SCAI: variants seen among roughly 807,000 people sequenced by gnomAD.
SCAI encodes the protein protein SCAI.
Under a neutral mutation model 92.2 loss-of-function variants are expected in SCAI, and 24 were observed. That is an observed-to-expected ratio of 0.26 (90% CI 0.19 to 0.37). The LOEUF is 0.37. Among genes scored for constraint, SCAI ranks in the 10% least tolerant of loss-of-function variants. The pLI is 1.00. For synonymous variants in SCAI, 261 were observed against 258.6 expected (o/e 1.01, Z -0.09); for missense variants, 450 against 736.2 (o/e 0.61, Z 4.50).
chr9:125,079,956 T>C (rs1178355846), intron 2 of SCAI, among the ~76,000 whole-genome samples: 2 of 152,236 alleles, frequency 1.3e-5, no homozygotes, highest in African/African-American at 2.4e-5. Flanking sequence ...ATAAACAAGA[T>C]GCCATGTGAA....
chr9:125,106,125 ATATAT>A (rs1834787711), intron 2 of SCAI, among the ~76,000 whole-genome samples: 14 of 82,188 alleles, frequency 1.7e-4, no homozygotes, highest in African/African-American at 8.3e-4. Flanking sequence ...AAAAAAAAAT[ATATAT>A]ATATATATAT....
chr9:124,959,483 T>C lies in SCAI; in HGVS notation c.1675-6530A>G, dbSNP rs765196848. 1.6e-3 allele frequency among the ~76,000 whole-genome samples: 226 copies of C among 141,830 alleles called. 1 individual carries two copies. The highest frequency in any genetic ancestry group is 5.5e-3 in the South Asian group (25 of 4,570). 93.0% of individuals were successfully genotyped at this position (141,830 alleles called of 152,430 possible). A position where few individuals can be genotyped will look rare whatever the true frequency, so the allele number is the denominator to read the frequency against. On this transcript the variant is annotated intron_variant, in intron 17 of 17. Transcript: ENST00000336505. ...AATTTCATATATATATATATATATA[T>C]ACACACACACATATATATACACATA...
chr9:125,077,449 C>T (rs1032470937), intron 2 of SCAI, among the ~76,000 whole-genome samples: 1 of 152,154 alleles, frequency 6.6e-6, no homozygotes, highest in African/African-American at 2.4e-5. Context: ...GTTTTCATTT[C>T]TTCTGGGGGT....
intron 3 of SCAI, among the ~76,000 whole-genome samples, chr9:125,052,255 C>T (rs1052028283): frequency 2.4e-4 from 37 of 152,206 alleles, no homozygotes; most frequent in African/African-American, 7.2e-4. Context: ...AACATTTGTG[C>T]TTCAAAGGAT....
chr9:125,067,597 C>A (rs73666666), intron 2 of SCAI, among the ~76,000 whole-genome samples: 3,299 of 152,272 alleles, frequency 0.022, 123 homozygotes, highest in African/African-American at 0.075. Context: ...ACCAATTCTG[C>A]AACCACTTAA....
At chr9:125,134,763 G>A (rs1835483601) in intron 2 of SCAI, among the ~76,000 whole-genome samples, 1 of 152,118 alleles carries the variant, frequency 6.6e-6, no homozygotes, top group South Asian at 2.1e-4. Flanking sequence ...TGCAACCTCC[G>A]CCTCCCAGTT....
At chr9:125,110,223 T>C (rs1168581637) in intron 2 of SCAI, among the ~76,000 whole-genome samples, 4 of 152,200 alleles carry the variant, frequency 2.6e-5, no homozygotes, top group Non-Finnish European at 5.9e-5. Flanking sequence ...TTTGTCTTCA[T>C]AGAAAAACAC....
chr9:125,073,092 A>ATTT lies in SCAI; in HGVS notation c.99-17088_99-17086dup, dbSNP rs764858681. ...GGATCATATGAGGATTCTATTTTTA[A>ATTT]TTTTTTTTTTTTTTTTTTTTTTTTT... is the stretch of plus-strand genomic sequence containing the variant. On this transcript the variant is annotated intron_variant, in intron 2 of 17. Transcript: ENST00000336505. 8.6e-4 allele frequency among the ~76,000 whole-genome samples: 62 copies of ATTT among 72,484 alleles called. 1 individual carries two copies. The highest frequency in any genetic ancestry group is 1.0e-3 in the Non-Finnish European group (39 of 37,340). 47.6% of individuals were successfully genotyped at this position (72,484 alleles called of 152,430 possible). A position where few individuals can be genotyped will look rare whatever the true frequency, so the allele number is the denominator to read the frequency against.
intron 15 of SCAI, among the ~76,000 whole-genome samples, chr9:124,973,854 T>C (rs1314060535): frequency 6.6e-6 from 1 of 152,126 alleles, no homozygotes; most frequent in Non-Finnish European, 1.5e-5. Context: ...TAAATTTCTC[T>C]ACATGCTCCC....
At position 124,944,666 on chromosome 9, in the gene SCAI, G is replaced by A. The variant is rs2131558321; in HGVS notation, c.*8141C>T. 1.3e-5 allele frequency: 2 copies of A among 151,926 alleles called. No individual in the cohort carries two copies. The highest frequency in any genetic ancestry group is 3.9e-4 in the East Asian group (2 of 5,178). The allele number at this position is 151,926 out of a possible 1,614,324, so 9.4% of individuals were successfully genotyped here. ...GCAATTAGTAGCATGCTTCTTTAAG[G>A]GTGGAAATAAGCTTTTTAAAAATAC... On this transcript the variant is annotated 3_prime_UTR_variant, in exon 18 of 18. Transcript: ENST00000336505.
chr9:125,137,078 T>C (rs866519029), intron 2 of SCAI, among the ~76,000 whole-genome samples: 46 of 152,294 alleles, frequency 3.0e-4, no homozygotes, highest in South Asian at 1.9e-3. Context: ...TTTTTAAATA[T>C]CTGGCTACAA....
At chr9:124,992,172 C>T (rs1445739060) in intron 14 of SCAI, among the ~76,000 whole-genome samples, 1 of 152,148 alleles carries the variant, frequency 6.6e-6, no homozygotes, top group East Asian at 1.9e-4. Flanking sequence ...CTTGCCTTGG[C>T]CTCCCAAAGT....
chr9:125,018,633 C>G (rs1832810271), intron 9 of SCAI, among the ~76,000 whole-genome samples, 166 bp downstream of exon 9: 1 of 152,110 alleles, frequency 6.6e-6, no homozygotes, highest in African/African-American at 2.4e-5. Flanking sequence ...TCTTTCTAAG[C>G]TATTTAAATA....
intron 2 of SCAI, among the ~76,000 whole-genome samples, chr9:125,129,859 A>G (rs778218958): frequency 2.6e-5 from 4 of 152,094 alleles, no homozygotes; most frequent in Admixed American, 6.5e-5. Flanking sequence ...AGAAGCTTTA[A>G]TGAAAGTTCA....
At chr9:125,061,284 G>A (rs1382666356) in intron 2 of SCAI, among the ~76,000 whole-genome samples, 2 of 151,626 alleles carry the variant, frequency 1.3e-5, no homozygotes, top group African/African-American at 2.4e-5. Context: ...GCGATACAGC[G>A]AGACTCCGTC....
In SCAI at chr9:124,949,540, C is replaced by A. The variant is rs540115812; in HGVS notation, c.*3267G>T. On this transcript the variant is annotated 3_prime_UTR_variant, in exon 18 of 18. Coordinates refer to ENST00000336505, the MANE Select transcript of SCAI (RefSeq NM_001144877.3). The surrounding 1 kb of genome is among the most constrained non-coding windows in gnomAD (Gnocchi z 4.0). The stretch of plus-strand genomic sequence containing the variant: ...AGTGCAGTGGTGCAATCACAGCTCA[C>A]TGCAGCCACAAACTCCTGGGCTCAA... 1 of 152,364 alleles carries A rather than the reference C, an allele frequency of 6.6e-6. No homozygotes were observed. The highest frequency in any genetic ancestry group is 2.4e-5 in the African/African-American group (1 of 41,558). 9.4% of individuals were successfully genotyped at this position (152,364 alleles called of 1,614,324 possible).
At chr9:124,988,655 A>C (rs1832046992) in intron 14 of SCAI, among the ~76,000 whole-genome samples, 1 of 152,192 alleles carries the variant, frequency 6.6e-6, no homozygotes, top group Non-Finnish European at 1.5e-5. Context: ...AAAATGTATT[A>C]AAGAGCAAAG....
chr9:124,961,406 T>C (rs764956872), intron 17 of SCAI, among the ~76,000 whole-genome samples: 132 of 151,950 alleles, frequency 8.7e-4, no homozygotes, highest in Non-Finnish European at 1.6e-3. Context: ...TCCTAGAACT[T>C]TGGGAGGCTG....
At chr9:124,987,435 G>A (rs1832018790) in intron 14 of SCAI, among the ~76,000 whole-genome samples, 1 of 152,008 alleles carries the variant, frequency 6.6e-6, no homozygotes, top group African/African-American at 2.4e-5. Context: ...CCAAAATATG[G>A]GCCATACTTG....
Sources: allele counts gnomAD v4.1 joint callset (sites outside exome capture counted in the v4.1 genomes callset), GRCh38; gene constraint gnomAD v4.1.1; non-coding constraint Gnocchi (gnomAD v3.1); transcripts MANE v1.5; gene names NCBI Gene and HGNC (gene_info 2026-07-23, HGNC 2026-07-21).